The following DAB2IP variants were observed in gnomAD, a reference collection of about 807,000 sequenced individuals.
DAB2IP encodes DAB2 interacting protein.
A neutral mutation model predicts 107.2 loss-of-function variants in DAB2IP; 28 were observed. The observed-to-expected ratio is 0.26, with a 90% CI of 0.19 to 0.36. DAB2IP has a LOEUF of 0.36. Among genes scored for constraint, DAB2IP ranks in the 10% least tolerant of loss-of-function variants. DAB2IP has a pLI of 1.00. For missense variants in DAB2IP, 1,400 were observed against 1,644.7 expected (o/e 0.85, Z 2.57); for synonymous variants, 755 against 706.4 (o/e 1.07, Z -1.09).
intron 1 of DAB2IP, among the ~76,000 whole-genome samples, chr9:121,620,407 G>A (rs371704872): frequency 3.3e-5 from 5 of 152,342 alleles, no homozygotes; most frequent in South Asian, 4.1e-4. Flanking sequence ...GTGTGTGTGA[G>A]CTCTGGAGTC....
At chr9:121,775,522 C>T (rs2119022304) in intron 13 of DAB2IP, among the ~76,000 whole-genome samples, 1 of 152,366 alleles carries the variant, frequency 6.6e-6, no homozygotes, top group African/African-American at 2.4e-5. Flanking sequence ...TCGATCCCGG[C>T]GTTGGCCTTT....
At chr9:121,743,059 C>T in intron 3 of DAB2IP, 1 of 939,516 alleles carries the variant, frequency 1.1e-6, no homozygotes, top group South Asian at 4.9e-5. Flanking sequence ...GAGGAATACT[C>T]TGGCTGGGAT....
chr9:121,659,245 C>T (rs775187992), intron 1 of DAB2IP, among the ~76,000 whole-genome samples: 6 of 152,006 alleles, frequency 3.9e-5, no homozygotes, highest in Non-Finnish European at 8.8e-5. Flanking sequence ...ACTTTGGGTT[C>T]GGAGACTGGA....
intron 1 of DAB2IP, among the ~76,000 whole-genome samples, chr9:121,567,971 T>G: frequency 6.7e-6 from 1 of 149,218 alleles, no homozygotes; most frequent in South Asian, 2.1e-4. Flanking sequence ...GACGCAAGAG[T>G]GCAAGAGTGT....
exon 16 of DAB2IP, chr9:121,783,699 T>G (rs1322876937): frequency 2.2e-5 from 23 of 1,042,608 alleles, no homozygotes; most frequent in Non-Finnish European, 3.1e-5. Context: ...GTGGCCGGCC[T>G]CCTCCTCACC....
At chr9:121,640,169 G>T (rs79165129) in intron 1 of DAB2IP, among the ~76,000 whole-genome samples, 356 of 152,294 alleles carry the variant, frequency 2.3e-3, no homozygotes, top group African/African-American at 6.8e-3. Context: ...GATGCCTGGG[G>T]CAAGGGGTAC....
chr9:121,665,594 G>A (rs185355923), intron 1 of DAB2IP, among the ~76,000 whole-genome samples: 3 of 152,306 alleles, frequency 2.0e-5, no homozygotes, highest in African/African-American at 7.2e-5. Flanking sequence ...TGGAGTGACT[G>A]TATGAAAGGA....
intron 3 of DAB2IP, among the ~76,000 whole-genome samples, chr9:121,717,846 T>C (rs1455455615): frequency 6.6e-6 from 1 of 152,286 alleles, no homozygotes; most frequent in East Asian, 1.9e-4. Context: ...CACACAGTGA[T>C]GGGTGTCCTG....
intron 1 of DAB2IP, chr9:121,598,292 G>T (rs1162755461): frequency 1.3e-5 from 2 of 152,330 alleles, no homozygotes; most frequent in Non-Finnish European, 2.9e-5. Context: ...CTGTCTGTAC[G>T]ACTGGGAGAG....
chr9:121,784,722 AT>A (rs373586591), exon 16 of DAB2IP: 6 of 154,424 alleles, frequency 3.9e-5, no homozygotes, highest in African/African-American at 1.4e-4. Context: ...GTTTTATTTT[AT>A]TTCTGAATCT....
intron 3 of DAB2IP, among the ~76,000 whole-genome samples, chr9:121,741,485 A>T (rs1832339661): frequency 6.6e-6 from 1 of 152,108 alleles, no homozygotes; most frequent in African/African-American, 2.4e-5. Context: ...CTACTCACCC[A>T]GCAGACTTGC....
intron 1 of DAB2IP, among the ~76,000 whole-genome samples, chr9:121,642,043 CTTT>C (rs1411689049): frequency 3.7e-4 from 14 of 37,358 alleles, no homozygotes; most frequent in African/African-American, 2.1e-3. Flanking sequence ...TTCTTTCTTT[CTTT>C]CTTTCTTTCT....
At chr9:121,613,533 G>C (rs1831164160) in intron 1 of DAB2IP, among the ~76,000 whole-genome samples, 1 of 152,088 alleles carries the variant, frequency 6.6e-6, no homozygotes, top group African/African-American at 2.4e-5. Context: ...GATATTTGAT[G>C]ATGATGATGT....
chr9:121,678,549 C>T, intron 1 of DAB2IP, 129 bp from the exon 2 acceptor site: 2 of 673,172 alleles, frequency 3.0e-6, no homozygotes, highest in Non-Finnish European at 4.4e-6. Flanking sequence ...CAGACTTTTC[C>T]ATAGTGCCTG....
chr9:121,651,040 A>G (rs989268731), upstream of DAB2IP, among the ~76,000 whole-genome samples: 4 of 152,180 alleles, frequency 2.6e-5, no homozygotes, highest in African/African-American at 9.7e-5. The surrounding 1 kb of genome is among the most constrained non-coding windows in gnomAD (Gnocchi z 5.1). Flanking sequence ...TGCCACCCTG[A>G]GTTTCTGGTG....
At chr9:121,598,631 G>A (rs1830583876) in intron 1 of DAB2IP, 1 of 152,240 alleles carries the variant, frequency 6.6e-6, no homozygotes, top group Admixed American at 6.5e-5. Context: ...GCGGAGGTAA[G>A]GCCGTGCGCC....
rs1181020584 is a variant in DAB2IP, at chr9:121,701,326, C to T, written c.362+1868C>T. Among the ~76,000 whole-genome samples the T allele has an allele frequency of 2.0e-5, 3 of 152,208 alleles. No homozygotes were observed. Among genetic ancestry groups the T allele is most frequent in the Non-Finnish European group, 1.5e-5 (1 of 68,036 alleles). On this transcript the variant is annotated intron_variant, in intron 3 of 15. Transcript: ENST00000408936. The surrounding 1 kb of genome is among the most constrained non-coding windows in gnomAD (Gnocchi z 4.7). ...GGGGCATGGCCAAGACGACCTCGTGCGGGTCCTGCCCCACTTGGCCTCAGG... is the reference window on the plus strand; with the variant it reads ...GGGGCATGGCCAAGACGACCTCGTGTGGGTCCTGCCCCACTTGGCCTCAGG...
chr9:121,660,131 A>G (rs372131689), intron 1 of DAB2IP, among the ~76,000 whole-genome samples: 1 of 152,140 alleles, frequency 6.6e-6, no homozygotes, highest in East Asian at 1.9e-4. Context: ...ACTGGGAATC[A>G]AAGGAAGGAT....
At position 121,651,740 on chromosome 9, in the gene DAB2IP, C is replaced by A; in HGVS notation, c.-36C>A. ...GCGGCCGATGGGGCCCGTGTGAGCG[C>A]GCCCAGGCCCGGCCCGGTGCCCGGC... is the stretch of plus-strand genomic sequence containing the variant. On this transcript the variant is annotated 5_prime_UTR_variant, in exon 1 of 16. Transcript: ENST00000408936. The surrounding 1 kb of genome is among the most constrained non-coding windows in gnomAD (Gnocchi z 5.1). 1 of 1,247,798 alleles carries A rather than the reference C, an allele frequency of 8.0e-7. No homozygotes were observed. The highest frequency in any genetic ancestry group is 1.0e-6 in the Non-Finnish European group (1 of 993,274). 77.3% of individuals were successfully genotyped at this position (1,247,798 alleles called of 1,614,324 possible).
Sources: gnomAD v4.1 joint callset for allele counts (sites outside exome capture counted in the v4.1 genomes callset) on GRCh38, gnomAD v4.1.1 for gene constraint, Gnocchi (gnomAD v3.1) non-coding constraint, MANE v1.5 for transcripts, NCBI Gene and HGNC (gene_info 2026-07-23, HGNC 2026-07-21) for gene names.